Variants in ARB2A observed in about 807,000 individuals in gnomAD.
ARB2A encodes the protein ARB2 cotranscriptional regulator A.
At chr5:93,664,638 T>A in the ARB2A span, among the ~76,000 whole-genome samples, 32,558 of 147,362 alleles carry the variant, frequency 0.22, 4,692 homozygotes, top group African/African-American at 0.4. Flanking sequence ...CTCAAAAATA[T>A]ATATATATAT....
chr5:93,930,644 G>A, the ARB2A span, among the ~76,000 whole-genome samples: 10 of 152,174 alleles, frequency 6.6e-5, no homozygotes, highest in Admixed American at 6.5e-4. Context: ...ATGAGTTCAA[G>A]GAATGCAAGC....
chr5:93,838,376 A>G, the ARB2A span, among the ~76,000 whole-genome samples: 2 of 152,144 alleles, frequency 1.3e-5, no homozygotes, highest in African/African-American at 4.8e-5. Flanking sequence ...TTTTGTATCA[A>G]TACCATGCTG....
At chr5:93,929,402 A>G in the ARB2A span, among the ~76,000 whole-genome samples, 7 of 152,146 alleles carry the variant, frequency 4.6e-5, no homozygotes, top group East Asian at 1.3e-3. Context: ...CTTGCCTATA[A>G]TTTTATACTG....
the ARB2A span, among the ~76,000 whole-genome samples, chr5:94,023,876 C>T: frequency 1.3e-5 from 2 of 152,120 alleles, no homozygotes; most frequent in Non-Finnish European, 2.9e-5. Flanking sequence ...TTCTACATGC[C>T]TGTCGTGCCA....
chr5:94,021,430 T>G, the ARB2A span, among the ~76,000 whole-genome samples: 1 of 152,316 alleles, frequency 6.6e-6, no homozygotes, highest in Non-Finnish European at 1.5e-5. Context: ...GCATCCTGTT[T>G]GGAAAGCTGC....
the ARB2A span, among the ~76,000 whole-genome samples, chr5:94,099,815 G>C: frequency 6.6e-6 from 1 of 151,988 alleles, no homozygotes; most frequent in South Asian, 2.1e-4. Flanking sequence ...ATATCTATGA[G>C]AAACCCGCAG....
chr5:93,894,320 C>T, the ARB2A span, among the ~76,000 whole-genome samples: 2 of 152,018 alleles, frequency 1.3e-5, no homozygotes, highest in Admixed American at 1.3e-4. Context: ...AAGTTAGGAA[C>T]TGTCTAAAGC....
the ARB2A span, among the ~76,000 whole-genome samples, chr5:93,651,199 A>T: frequency 8.6e-5 from 13 of 151,876 alleles, no homozygotes; most frequent in South Asian, 2.5e-3. Flanking sequence ...GCAGTGGTGC[A>T]ACCAGGGCTC....
At chr5:93,887,669 C>A in the ARB2A span, among the ~76,000 whole-genome samples, 29 of 151,774 alleles carry the variant, frequency 1.9e-4, no homozygotes, top group African/African-American at 7.0e-4. Flanking sequence ...CAGATAAATT[C>A]TTGAGTATGA....
the ARB2A span, among the ~76,000 whole-genome samples, chr5:93,906,917 T>A: frequency 6.6e-6 from 1 of 151,566 alleles, no homozygotes; most frequent in African/African-American, 2.4e-5. Flanking sequence ...TGCTGCATAA[T>A]TCTCCCTTGC....
At chr5:93,682,789 A>T in the ARB2A span, 4 of 980,802 alleles carry the variant, frequency 4.1e-6, no homozygotes, top group Non-Finnish European at 6.5e-6. Flanking sequence ...CTGTTAACAG[A>T]AATGAAATAA....
the ARB2A span, among the ~76,000 whole-genome samples, chr5:94,076,216 C>T: frequency 6.6e-6 from 1 of 152,036 alleles, no homozygotes; most frequent in African/African-American, 2.4e-5. Context: ...GTATATATAG[C>T]CAATCATTTC....
At chr5:93,670,626 T>C in the ARB2A span, among the ~76,000 whole-genome samples, 3 of 152,230 alleles carry the variant, frequency 2.0e-5, no homozygotes, top group Non-Finnish European at 2.9e-5. Context: ...TCCCACAAAA[T>C]GAATATTCAT....
At chr5:93,874,841 C>T in the ARB2A span, among the ~76,000 whole-genome samples, 1 of 152,156 alleles carries the variant, frequency 6.6e-6, no homozygotes, top group East Asian at 1.9e-4. Flanking sequence ...AGAAAACACC[C>T]CAGAAAGATA....
the ARB2A span, among the ~76,000 whole-genome samples, chr5:94,002,967 C>G: frequency 6.6e-6 from 1 of 151,998 alleles, no homozygotes; most frequent in Non-Finnish European, 1.5e-5. Flanking sequence ...TGGAAAAAAA[C>G]AGGAGACATA....
the ARB2A span, among the ~76,000 whole-genome samples, chr5:93,897,506 A>G: frequency 6.6e-6 from 1 of 151,978 alleles, no homozygotes; most frequent in Non-Finnish European, 1.5e-5. Context: ...TAAATTAGCA[A>G]AAAGGACAAA....
chr5:94,035,669 A>G, the ARB2A span, among the ~76,000 whole-genome samples: 1 of 152,176 alleles, frequency 6.6e-6, no homozygotes, highest in Non-Finnish European at 1.5e-5. Context: ...AATACTATGC[A>G]GCCATAATAA....
chr5:93,619,254 G>GT, the ARB2A span: 1 of 152,200 alleles, frequency 6.6e-6, no homozygotes, highest in African/African-American at 2.4e-5. Context: ...AAGCCATCTG[G>GT]TAGCTGAATA....
the ARB2A span, among the ~76,000 whole-genome samples, chr5:94,104,856 C>G: frequency 6.6e-6 from 1 of 152,010 alleles, no homozygotes; most frequent in Non-Finnish European, 1.5e-5. Context: ...ATATGTAAAT[C>G]AGTAAATGTG....
Sources: allele counts gnomAD v4.1 joint callset (sites outside exome capture counted in the v4.1 genomes callset), GRCh38; gene constraint gnomAD v4.1.1; transcripts MANE v1.5; gene names NCBI Gene and HGNC (gene_info 2026-07-23, HGNC 2026-07-21).